HOMER1: variants seen among roughly 807,000 people sequenced by gnomAD.
HOMER1 encodes homer protein homolog 1.
HOMER1 carries 3 observed loss-of-function variants against 48.9 expected under a neutral mutation model. The observed-to-expected ratio is 0.06, with a 90% CI of 0.03 to 0.16. HOMER1 has a LOEUF of 0.16. Among genes scored for constraint, HOMER1 ranks in the 10% least tolerant of loss-of-function variants. HOMER1 has a pLI of 1.00. For missense variants in HOMER1, 247 were observed against 411.4 expected (o/e 0.60, Z 3.46); for synonymous variants, 134 against 146.4 (o/e 0.92, Z 0.61).
chr5:79,436,297 C>A (rs200011586), intron 5 of HOMER1, among the ~76,000 whole-genome samples: 2 of 152,134 alleles, frequency 1.3e-5, no homozygotes, highest in Non-Finnish European at 2.9e-5. Flanking sequence ...TCATGAAACA[C>A]GGATCTTATT....
At chr5:79,491,593 A>C (rs1280800545) in intron 1 of HOMER1, among the ~76,000 whole-genome samples, 1 of 152,130 alleles carries the variant, frequency 6.6e-6, no homozygotes, top group Non-Finnish European at 1.5e-5. Context: ...TGATACTGGC[A>C]ATATACATTT....
intron 5 of HOMER1, among the ~76,000 whole-genome samples, chr5:79,409,355 C>A (rs918975204): frequency 3.4e-5 from 5 of 148,854 alleles, no homozygotes. Context: ...CCACTTGAAC[C>A]GGGGAGGCGG....
At chr5:79,488,966 T>A (rs1172205875) in intron 1 of HOMER1, among the ~76,000 whole-genome samples, 3 of 152,344 alleles carry the variant, frequency 2.0e-5, no homozygotes, top group South Asian at 4.1e-4. Context: ...GGTTTCACAT[T>A]GTTACCAAAC....
chr5:79,493,809 C>T (rs1752352007), intron 1 of HOMER1, among the ~76,000 whole-genome samples: 1 of 152,128 alleles, frequency 6.6e-6, no homozygotes, highest in African/African-American at 2.4e-5. Context: ...GTAAACAAAA[C>T]CAAAAGAATT....
intron 1 of HOMER1, among the ~76,000 whole-genome samples, chr5:79,459,517 C>G (rs1751258927): frequency 6.6e-6 from 1 of 152,082 alleles, no homozygotes; most frequent in South Asian, 2.1e-4. Context: ...AAAGCCTGTA[C>G]TTCAAAGTCT....
intron 8 of HOMER1, among the ~76,000 whole-genome samples, chr5:79,390,080 G>A (rs972859963): frequency 2.6e-5 from 4 of 152,168 alleles, no homozygotes; most frequent in Non-Finnish European, 5.9e-5. Flanking sequence ...GGGCCCAGGA[G>A]TTCAAGACCA....
chr5:79,465,584 C>CTTCTTTTTTTTTTTTTT (rs1751438018), intron 1 of HOMER1, among the ~76,000 whole-genome samples: 1 of 77,894 alleles, frequency 1.3e-5, no homozygotes, highest in African/African-American at 6.1e-5. Flanking sequence ...TACATTTCTT[C>CTTCTTTTTTTTTTTTTT]TTTTTTTTTT....
chr5:79,481,323 A>G (rs1751938584), intron 1 of HOMER1, among the ~76,000 whole-genome samples: 1 of 152,214 alleles, frequency 6.6e-6, no homozygotes, highest in Admixed American at 6.5e-5. Context: ...AAATATAAGA[A>G]ACAAGTTTTC....
chr5:79,403,670 G>A (rs1018439922), intron 5 of HOMER1, among the ~76,000 whole-genome samples: 2 of 152,140 alleles, frequency 1.3e-5, no homozygotes, highest in African/African-American at 4.8e-5. Context: ...TGAAAACTGA[G>A]GGTTAGTTAG....
intron 2 of HOMER1, 100 bp downstream of exon 2, chr5:79,456,762 A>T (rs1300964007): frequency 9.5e-7 from 1 of 1,048,596 alleles, no homozygotes; most frequent in Non-Finnish European, 1.4e-6. Flanking sequence ...TCAAAAGGAA[A>T]CATTTTATAT....
At chr5:79,419,530 T>G (rs1561356399) in intron 5 of HOMER1, among the ~76,000 whole-genome samples, 1 of 151,782 alleles carries the variant, frequency 6.6e-6, no homozygotes, top group Admixed American at 6.6e-5. Flanking sequence ...TCCCTATCTT[T>G]CAACCAGTTA....
intron 8 of HOMER1, among the ~76,000 whole-genome samples, chr5:79,380,888 G>T (rs1019075588): frequency 5.9e-5 from 9 of 152,110 alleles, no homozygotes; most frequent in African/African-American, 2.2e-4. Flanking sequence ...CCAGCCCTTT[G>T]CCGCCACTGC....
rs1222491734 is a variant in HOMER1, at chr5:79,456,988, A to G, written c.36T>C (p.His12=). 12 of 1,614,100 alleles carry G rather than the reference A, an allele frequency of 7.4e-6. No individual in the cohort carries two copies. Among genetic ancestry groups the G allele is most frequent in the South Asian group, 2.2e-5 (2 of 91,082 alleles). Reference sequence around the variant, plus strand: ...TTGTGTTTGGGTCAATTTGGAAGACATGAGCTCGAGTGCTGAAGATAGGTT... The same window carrying G: ...TTGTGTTTGGGTCAATTTGGAAGACGTGAGCTCGAGTGCTGAAGATAGGTT... ...GEQPIFSTRA[H]VFQIDPNTKK... The change falls in exon 2 of 9, where the codon CAT becomes CAC. Residue 12 remains histidine (H), a synonymous_variant. Transcript: ENST00000334082.
intron 1 of HOMER1, among the ~76,000 whole-genome samples, chr5:79,508,745 C>A (rs554456862): frequency 1.5e-4 from 23 of 152,340 alleles, no homozygotes; most frequent in African/African-American, 5.5e-4. Context: ...GCCCCCCCAA[C>A]ACACACTTTG....
At chr5:79,504,709 A>G (rs1189497664) in intron 1 of HOMER1, among the ~76,000 whole-genome samples, 14 of 152,240 alleles carry the variant, frequency 9.2e-5, no homozygotes, top group Admixed American at 8.5e-4. Flanking sequence ...AAACAGAAGA[A>G]AGACAATAAC....
intron 1 of HOMER1, among the ~76,000 whole-genome samples, chr5:79,474,050 T>G (rs989299790): frequency 6.6e-6 from 1 of 151,852 alleles, no homozygotes; most frequent in Non-Finnish European, 1.5e-5. Flanking sequence ...AAGAAAAAAA[T>G]AGAGAGGCTC....
intron 6 of HOMER1, among the ~76,000 whole-genome samples, chr5:79,401,673 G>A (rs1276946971): frequency 6.6e-6 from 1 of 152,016 alleles, no homozygotes; most frequent in East Asian, 1.9e-4. Context: ...GGATAATATG[G>A]GGAATCAACA....
intron 1 of HOMER1, among the ~76,000 whole-genome samples, chr5:79,507,938 T>C (rs1752823864): frequency 6.6e-6 from 1 of 152,190 alleles, no homozygotes; most frequent in African/African-American, 2.4e-5. Context: ...TGAAATGTCC[T>C]AATTCTGAAA....
At chr5:79,498,664 A>G (rs1327235092) in intron 1 of HOMER1, among the ~76,000 whole-genome samples, 1 of 152,174 alleles carries the variant, frequency 6.6e-6, no homozygotes, top group Non-Finnish European at 1.5e-5. Context: ...TGGCAGCATA[A>G]GAGTTTGAAA....
Sources: gnomAD v4.1 joint callset for allele counts (sites outside exome capture counted in the v4.1 genomes callset) on GRCh38, gnomAD v4.1.1 for gene constraint, MANE v1.5 for transcripts, NCBI Gene and HGNC (gene_info 2026-07-23, HGNC 2026-07-21) for gene names.